Variants in CNBD1 observed in about 807,000 individuals in gnomAD.
CNBD1 encodes the protein cyclic nucleotide-binding domain-containing protein 1.
A neutral mutation model predicts 54.4 loss-of-function variants in CNBD1; 71 were observed. The observed-to-expected ratio is 1.30, with a 90% confidence interval of 1.08 to 1.59. The LOEUF (loss-of-function observed/expected upper bound fraction) is 1.59. CNBD1 is among the 40% of genes most tolerant of loss of function. The pLI, the probability that CNBD1 is intolerant of heterozygous loss-of-function variation, is 0.00. For synonymous variants in CNBD1, 182 were observed against 170.7 expected (o/e 1.07, Z -0.51); for missense variants, 659 against 518.0 (o/e 1.27, Z -2.64).
intron 4 of CNBD1, among the ~76,000 whole-genome samples, chr8:87,117,013 C>T (rs1162811613): frequency 6.6e-6 from 1 of 152,094 alleles, no homozygotes; most frequent in East Asian, 1.9e-4. Context: ...TTGTCTTCAT[C>T]CCCTACCACG....
At chr8:87,252,087 G>A (rs1311297187) in intron 6 of CNBD1, among the ~76,000 whole-genome samples, 1 of 151,860 alleles carries the variant, frequency 6.6e-6, no homozygotes, top group African/African-American at 2.4e-5. Context: ...CTTAGTCCCT[G>A]GTGACCCTTC....
chr8:87,296,898 C>T (rs189026750), intron 8 of CNBD1, among the ~76,000 whole-genome samples: 28 of 151,784 alleles, frequency 1.8e-4, no homozygotes, highest in Non-Finnish European at 2.7e-4. Flanking sequence ...AAAATAAGGC[C>T]AGCGTGGTGG....
At chr8:87,223,068 T>G (rs914126808) in intron 5 of CNBD1, among the ~76,000 whole-genome samples, 2 of 143,464 alleles carry the variant, frequency 1.4e-5, no homozygotes, top group African/African-American at 5.0e-5. Flanking sequence ...TTTTTTTTTT[T>G]CAACAAACCA....
intron 4 of CNBD1, among the ~76,000 whole-genome samples, chr8:87,191,538 T>C (rs922486871): frequency 6.6e-6 from 1 of 152,164 alleles, no homozygotes; most frequent in East Asian, 1.9e-4. Flanking sequence ...ATATTAACCA[T>C]CACACCTGTC....
chr8:86,880,690 A>G (rs1242631808), intron 1 of CNBD1, among the ~76,000 whole-genome samples: 1 of 152,152 alleles, frequency 6.6e-6, no homozygotes, highest in Non-Finnish European at 1.5e-5. Context: ...GGGTAGAATA[A>G]GATCTCAAGA....
At chr8:87,370,062 A>AT (rs1252309298) in intron 10 of CNBD1, among the ~76,000 whole-genome samples, 5 of 151,800 alleles carry the variant, frequency 3.3e-5, no homozygotes, top group Admixed American at 1.3e-4. Flanking sequence ...TGAACTCATC[A>AT]TTTTTTATGG....
At chr8:87,337,356 C>T (rs967744296) in intron 8 of CNBD1, among the ~76,000 whole-genome samples, 4 of 152,156 alleles carry the variant, frequency 2.6e-5, no homozygotes, top group Admixed American at 2.6e-4. Context: ...CAACTAGGTC[C>T]TCAGACCCAG....
At chr8:87,268,168 A>G (rs139477398) in intron 6 of CNBD1, among the ~76,000 whole-genome samples, 16 of 152,168 alleles carry the variant, frequency 1.1e-4, no homozygotes, top group East Asian at 5.8e-4. Context: ...TGTGTATTCA[A>G]TGTTTAGCTC....
intron 8 of CNBD1, among the ~76,000 whole-genome samples, chr8:87,297,460 A>T (rs1808900297): frequency 6.6e-6 from 1 of 152,152 alleles, no homozygotes; most frequent in African/African-American, 2.4e-5. Context: ...TGTAAAACAG[A>T]AAAAGAGGCA....
chr8:87,238,451 G>A (rs1778746341), intron 6 of CNBD1, among the ~76,000 whole-genome samples: 1 of 152,068 alleles, frequency 6.6e-6, no homozygotes. Flanking sequence ...AATTCTGCCT[G>A]TTTATTCTCT....
At chr8:87,048,059 C>A (rs1183033717) in intron 4 of CNBD1, among the ~76,000 whole-genome samples, 1 of 152,070 alleles carries the variant, frequency 6.6e-6, no homozygotes, top group East Asian at 1.9e-4. Flanking sequence ...TGTGATAAAT[C>A]CAAGAGTTGA....
chr8:87,004,579 C>T (rs1809057925), intron 4 of CNBD1, among the ~76,000 whole-genome samples: 1 of 150,634 alleles, frequency 6.6e-6, no homozygotes, highest in South Asian at 2.1e-4. Flanking sequence ...TCTGAAATCA[C>T]AGAGCACAAA....
intron 1 of CNBD1, among the ~76,000 whole-genome samples, chr8:86,873,895 A>C (rs141864337): frequency 1.5e-4 from 23 of 152,282 alleles, no homozygotes; most frequent in African/African-American, 5.5e-4. Context: ...CGTCATCCCC[A>C]TATTTCAGTG....
At chr8:86,908,800 T>TTTAGACGGAGTTC (rs1554629463) in intron 3 of CNBD1, among the ~76,000 whole-genome samples, 1 of 135,774 alleles carries the variant, frequency 7.4e-6, no homozygotes, top group Admixed American at 7.4e-5. Context: ...TTTTTTTTTT[T>TTTAGACGGAGTTC]TGTGCTGAGG....
intron 10 of CNBD1, among the ~76,000 whole-genome samples, chr8:87,357,984 G>A (rs1011026759): frequency 6.6e-6 from 1 of 152,084 alleles, no homozygotes; most frequent in African/African-American, 2.4e-5. Context: ...GTTTAAAGAA[G>A]CCTAGCAGCT....
chr8:87,261,428 A>G (rs1173792689), intron 6 of CNBD1, among the ~76,000 whole-genome samples: 3 of 151,610 alleles, frequency 2.0e-5, no homozygotes, highest in Non-Finnish European at 2.9e-5. Flanking sequence ...ATGGAGTTTA[A>G]TTGAGCAATG....
At chr8:87,130,833 T>C (rs1180779130) in intron 4 of CNBD1, among the ~76,000 whole-genome samples, 1 of 152,096 alleles carries the variant, frequency 6.6e-6, no homozygotes. Context: ...AATATGATTG[T>C]AAATTTGTCT....
chr8:86,896,913 CA>C (rs1027461765), intron 2 of CNBD1, among the ~76,000 whole-genome samples: 5 of 151,478 alleles, frequency 3.3e-5, no homozygotes, highest in African/African-American at 4.8e-5. Context: ...AGAAAATCAT[CA>C]AAAAAAATTA....
chr8:86,909,520 T>C (rs1455462930), intron 3 of CNBD1, among the ~76,000 whole-genome samples: 4 of 152,088 alleles, frequency 2.6e-5, no homozygotes, highest in African/African-American at 7.2e-5. Flanking sequence ...AAATAAACAT[T>C]GCAGTGTGGT....
Sources: gnomAD v4.1 joint callset for allele counts (sites outside exome capture counted in the v4.1 genomes callset) on GRCh38, gnomAD v4.1.1 for gene constraint, MANE v1.5 for transcripts, NCBI Gene and HGNC (gene_info 2026-07-23, HGNC 2026-07-21) for gene names.